The following STARD9 variants were observed in gnomAD, a reference collection of about 807,000 sequenced individuals.
STARD9 encodes the protein StAR related lipid transfer domain containing 9.
In STARD9, 346 loss-of-function variants were observed where a neutral mutation model predicts 399.8. The observed-to-expected ratio is 0.87, with a 90% CI of 0.79 to 0.95. STARD9 has a LOEUF of 0.95. STARD9 is among the 40% of genes least tolerant of loss of function. The pLI is 0.00. For missense variants in STARD9, 5,832 were observed against 5,667.5 expected (o/e 1.03, Z -0.93); for synonymous variants, 2,203 against 2,143.5 (o/e 1.03, Z -0.77).
chr15:42,582,893 A>G (rs1363176004), intron 1 of STARD9, among the ~76,000 whole-genome samples: 3 of 152,328 alleles, frequency 2.0e-5, no homozygotes, highest in South Asian at 4.1e-4. Context: ...CTTCTAAGGT[A>G]TAATTCAGAG....
chr15:42,660,513 C>A (rs761197303), intron 9 of STARD9, among the ~76,000 whole-genome samples: 1 of 148,740 alleles, frequency 6.7e-6, no homozygotes, highest in Non-Finnish European at 1.5e-5. Context: ...TGCAGTGGGC[C>A]GAGATCGTGC....
At position 42,685,818 on chromosome 15, in the gene STARD9, A is replaced by G. The variant is rs1328974222; in HGVS notation, c.4240A>G (p.Thr1414Ala). 1.3e-6 allele frequency: 2 copies of G among 1,537,086 alleles called. No individual in the cohort carries two copies. Among genetic ancestry groups the G allele is most frequent in the Non-Finnish European group, 1.7e-6 (2 of 1,146,954 alleles). The stretch of plus-strand genomic sequence containing the variant: ...CCTCTGCAGTGCAAGAGATGAGCAC[A>G]CAGCCTCTGCTGCTGATACGTCTAG... ...ELLCSARDEHTASAADTSRLS... is the reference protein window; with the variant it reads ...ELLCSARDEHAASAADTSRLS... The change falls in exon 23 of 33, where the codon ACA becomes GCA. Residue 1414 changes from threonine to alanine, a missense_variant. Physicochemically the swap from Thr to Ala is moderately conservative, Grantham distance 58 (BLOSUM62 0). Transcript: ENST00000290607.
At chr15:42,607,742 C>T (rs1452899652) in intron 3 of STARD9, among the ~76,000 whole-genome samples, 1 of 151,810 alleles carries the variant, frequency 6.6e-6, no homozygotes, top group East Asian at 1.9e-4. Context: ...TTTCCTAAAT[C>T]CCACCTGCTT....
Position 42,689,751 on chromosome 15 carries a change from T to A in STARD9, c.8173T>A (p.Ser2725Thr), listed in dbSNP as rs1566943309. The change falls in exon 23 of 33, where the codon TCT becomes ACT. Residue 2725 changes from serine to threonine, a missense_variant. By Grantham distance (58) the Ser-to-Thr change is moderately conservative. Coordinates refer to ENST00000290607, the MANE Select transcript of STARD9 (RefSeq NM_020759.3). ...ADPLAPDSPR[S>T]SAPVEEVRRV... The stretch of plus-strand genomic sequence containing the variant: ...TCCTTTGGCCCCAGACAGTCCTCGT[T>A]CTTCAGCACCTGTGGAGGAGGTCAG... 1 of 1,537,782 alleles carries A rather than the reference T, an allele frequency of 6.5e-7. No homozygotes were observed.
In STARD9 at chr15:42,686,875, G is replaced by C; in HGVS notation, c.5297G>C (p.Cys1766Ser). The change falls in exon 23 of 33, where the codon TGC becomes TCC. Residue 1766 changes from cysteine to serine, a missense_variant. Physicochemically the swap from Cys to Ser is moderately radical, Grantham distance 112. This residue lies in a region of STARD9 where 5,828 missense variants were observed against 5,651.1 expected (regional missense o/e 1.03). Transcript: ENST00000290607. Reference protein sequence around the residue: ...LTETALEIPACREVRVPSPPP... With the variant: ...LTETALEIPASREVRVPSPPP... ...GAAACTGCCTTAGAGATTCCAGCTT[G>C]CAGAGAAGTAAGGGTACCCTCCCCA... 4 of 1,537,034 alleles carry C rather than the reference G, an allele frequency of 2.6e-6. No individual in the cohort carries two copies. Among genetic ancestry groups the C allele is most frequent in the Non-Finnish European group, 3.5e-6 (4 of 1,146,898 alleles).
intron 3 of STARD9, among the ~76,000 whole-genome samples, chr15:42,605,956 A>C (rs2058715068): frequency 6.6e-6 from 1 of 152,242 alleles, no homozygotes; most frequent in Non-Finnish European, 1.5e-5. Context: ...GATTTTAAGA[A>C]AATACAAACA....
chr15:42,588,344 A>C (rs560847067), intron 3 of STARD9, among the ~76,000 whole-genome samples: 1 of 152,288 alleles, frequency 6.6e-6, no homozygotes, highest in East Asian at 1.9e-4. Flanking sequence ...AAGGCCATAG[A>C]GGAGGGAAAT....
Position 42,581,145 on chromosome 15 carries a change from G to A in STARD9, c.48-2201G>A, listed in dbSNP as rs2058160048. 4.0e-6 allele frequency: 3 copies of A among 745,350 alleles called. No individual in the cohort carries two copies. The South Asian group carries it at 4.2e-5, about 11-fold the overall frequency. 46.2% of individuals were successfully genotyped at this position (745,350 alleles called of 1,614,324 possible). A position where few individuals can be genotyped will look rare whatever the true frequency, so the allele number is the denominator to read the frequency against. On this transcript the variant is annotated intron_variant, in intron 1 of 32. Coordinates refer to ENST00000290607, the MANE Select transcript of STARD9 (RefSeq NM_020759.3). ...GAGAGTCAGATGCCCATCTCCAACT[G>A]AGCATCACCCCCCAGCTGCATGTTT...
At position 42,661,161 on chromosome 15, in the gene STARD9, A is replaced by C; in HGVS notation, c.706A>C (p.Ile236Leu). 5 of 1,535,814 alleles carry C rather than the reference A, an allele frequency of 3.3e-6. No homozygotes were observed. In the African/African-American group the frequency reaches 5.5e-5, roughly 17 times the overall value. ...AIFTIHYTQA[I>L]LENNLPSEMA... ...CTTTAAATGTTTTCTCCTCTAGGCA[A>C]TCCTGGAGAACAACCTCCCTTCTGA... The change falls in exon 10 of 33, where the codon ATC (isoleucine) becomes CTC (leucine). Residue 236 changes from isoleucine to leucine, a missense_variant. Physicochemically the swap from Ile to Leu is conservative, Grantham distance 5. Coordinates refer to ENST00000290607, the MANE Select transcript of STARD9 (RefSeq NM_020759.3).
intron 3 of STARD9, among the ~76,000 whole-genome samples, chr15:42,621,272 G>A (rs6493056): frequency 0.15 from 22,292 of 151,780 alleles, 4,924 homozygotes; most frequent in African/African-American, 0.48. Context: ...TATGTATTCC[G>A]GCCCTCATCA....
chr15:42,680,182 G>A (rs1424234717), intron 20 of STARD9, among the ~76,000 whole-genome samples: 2 of 152,180 alleles, frequency 1.3e-5, no homozygotes, highest in East Asian at 1.9e-4. Context: ...AGCATTTGAG[G>A]TCCTTACGTG....
intron 20 of STARD9, among the ~76,000 whole-genome samples, chr15:42,677,801 G>C (rs151006266): frequency 1.8e-4 from 27 of 152,266 alleles, no homozygotes; most frequent in Non-Finnish European, 2.8e-4. Flanking sequence ...GCACGGTGCA[G>C]ACACACCCCA....
Position 42,665,257 on chromosome 15 carries a change from C to G in STARD9, c.1181C>G (p.Ala394Gly). Reference protein sequence around the residue: ...IINKPRVNEDANLKLIRELRE... With the variant: ...IINKPRVNEDGNLKLIRELRE... ...ATGGAGTTCTCTGTGTTTCAGGATGCAAACTTAAAACTGATTAGAGAACTC... is the reference window on the plus strand; with the variant it reads ...ATGGAGTTCTCTGTGTTTCAGGATGGAAACTTAAAACTGATTAGAGAACTC... Residue 394 changes from alanine (A) to glycine (G), a missense_variant, in exon 14 of 33, where the codon GCA (alanine) becomes GGA (glycine). Ala to Gly is a moderately conservative substitution (Grantham distance 60). This residue lies in a region of STARD9 where 5,828 missense variants were observed against 5,651.1 expected (regional missense o/e 1.03). Transcript: ENST00000290607. 1 of 1,536,716 alleles carries G rather than the reference C, an allele frequency of 6.5e-7. No individual in the cohort carries two copies. Among genetic ancestry groups the G allele is most frequent in the Non-Finnish European group, 8.7e-7 (1 of 1,146,534 alleles).
chr15:42,684,237 A>G lies in STARD9; in HGVS notation c.2659A>G (p.Thr887Ala), dbSNP rs1595765319. ...ACAGGCTGCTTCCTACCCTGCAAGG[A>G]CAGGGTGCCTCCGCAAGAACGGCCT... is the stretch of plus-strand genomic sequence containing the variant. Reference protein sequence around the residue: ...LPQAASYPARTGCLRKNGLHS... With the variant: ...LPQAASYPARAGCLRKNGLHS... Residue 887 changes from threonine to alanine, a missense_variant, in exon 23 of 33, where the codon ACA becomes GCA. By Grantham distance (58) the Thr-to-Ala change is moderately conservative. Coordinates refer to ENST00000290607, the MANE Select transcript of STARD9 (RefSeq NM_020759.3). 1.3e-6 allele frequency: 2 copies of G among 1,537,292 alleles called. No homozygotes were observed. Among genetic ancestry groups the G allele is most frequent in the East Asian group, 4.9e-5 (2 of 40,918 alleles).
intron 3 of STARD9, among the ~76,000 whole-genome samples, chr15:42,593,454 A>G (rs2058439344): frequency 6.6e-6 from 1 of 152,152 alleles, no homozygotes; most frequent in Admixed American, 6.6e-5. Context: ...ACAAAAAGCT[A>G]ACCGCTCTTC....
chr15:42,695,060 T>G, intron 24 of STARD9, 80 bp from the exon 25 acceptor site: 1 of 1,163,220 alleles, frequency 8.6e-7, no homozygotes, highest in Non-Finnish European at 1.2e-6. Context: ...GAAGGTGGTA[T>G]CACCCAAGCT....
intron 3 of STARD9, among the ~76,000 whole-genome samples, chr15:42,625,217 G>C (rs1022858363): frequency 6.6e-6 from 1 of 151,768 alleles, no homozygotes; most frequent in Admixed American, 6.6e-5. Flanking sequence ...AGTAGAGATG[G>C]GGTTTCACCA....
chr15:42,641,609 C>CT lies in STARD9; in HGVS notation c.559+2809dup, dbSNP rs71431856. Among the ~76,000 whole-genome samples, 865 of 140,622 alleles carry CT rather than the reference C, an allele frequency of 6.2e-3. 7 individuals carry two copies. Among genetic ancestry groups the CT allele is most frequent in the African/African-American group, 0.019 (736 of 38,478 alleles). 92.3% of individuals were successfully genotyped at this position (140,622 alleles called of 152,430 possible). A position where few individuals can be genotyped will look rare whatever the true frequency, so the allele number is the denominator to read the frequency against. ...CAGGTGGACATTTCTTTTTTCTTTT[C>CT]TTTTTTTTTTTTGAGACAGAGTTTT... On this transcript the variant is annotated intron_variant, in intron 7 of 32. Transcript: ENST00000290607.
In STARD9 at chr15:42,718,581, A is replaced by G. The variant is rs558185286; in HGVS notation, c.13842+67A>G. 1.9e-5 allele frequency: 28 copies of G among 1,482,516 alleles called. No individual in the cohort carries two copies. The African/African-American group carries it at 2.8e-4, about 15-fold the overall frequency. The allele number at this position is 1,482,516 out of a possible 1,614,324, so 91.8% of individuals were successfully genotyped here. On this transcript the variant is annotated intron_variant, in intron 31 of 32. Coordinates refer to ENST00000290607, the MANE Select transcript of STARD9 (RefSeq NM_020759.3). ...GCTGAAGTGTCGTGAGAAACAATCT[A>G]TGTGGGCCTCAGGTCCTCTAGGGGA...
Sources: gnomAD v4.1 joint callset for allele counts (sites outside exome capture counted in the v4.1 genomes callset) on GRCh38, gnomAD v4.1.1 for gene constraint, gnomAD v4.1.1 regional missense constraint, MANE v1.5 for transcripts, NCBI Gene and HGNC (gene_info 2026-07-23, HGNC 2026-07-21) for gene names.